The following SPMIP2 variants were observed in gnomAD, a reference collection of about 807,000 sequenced individuals.
SPMIP2 encodes the protein sperm microtubule inner protein 2, also known as protein SPMIP2.
the SPMIP2 span, among the ~76,000 whole-genome samples, chr4:158,945,637 T>C: frequency 4.5e-4 from 68 of 152,310 alleles, no homozygotes; most frequent in African/African-American, 1.5e-3. Context: ...TAGAGCCGCA[T>C]GGCTGTCCCT....
chr4:158,909,797 C>T, the SPMIP2 span, among the ~76,000 whole-genome samples: 1 of 152,246 alleles, frequency 6.6e-6, no homozygotes, highest in South Asian at 2.1e-4. Flanking sequence ...AATCCCAACA[C>T]TTTGGGAGGC....
At chr4:158,961,486 T>C in the SPMIP2 span, among the ~76,000 whole-genome samples, 1 of 152,130 alleles carries the variant, frequency 6.6e-6, no homozygotes, top group Non-Finnish European at 1.5e-5. Flanking sequence ...CTGCATATAA[T>C]AGAAAGATCA....
At chr4:159,046,231 GA>G in the SPMIP2 span, among the ~76,000 whole-genome samples, 110 of 131,308 alleles carry the variant, frequency 8.4e-4, no homozygotes, top group East Asian at 5.8e-3. Flanking sequence ...CCTGTCTCAA[GA>G]AAAAAAAAAA....
At chr4:158,981,163 A>G in the SPMIP2 span, among the ~76,000 whole-genome samples, 4 of 152,228 alleles carry the variant, frequency 2.6e-5, no homozygotes, top group Non-Finnish European at 5.9e-5. Flanking sequence ...AGAAAAAAGA[A>G]TGAAAAGGAA....
chr4:158,926,355 G>A, the SPMIP2 span, among the ~76,000 whole-genome samples: 39 of 151,170 alleles, frequency 2.6e-4, no homozygotes, highest in African/African-American at 6.1e-4. Context: ...CATTACCTTC[G>A]CTGCATCCCT....
At chr4:158,909,969 G>A in the SPMIP2 span, among the ~76,000 whole-genome samples, 1 of 152,136 alleles carries the variant, frequency 6.6e-6, no homozygotes, top group Non-Finnish European at 1.5e-5. Flanking sequence ...TTGAACCTGG[G>A]AGGCAGAGGT....
chr4:159,037,211 C>A, the SPMIP2 span, among the ~76,000 whole-genome samples: 2 of 152,082 alleles, frequency 1.3e-5, no homozygotes, highest in Non-Finnish European at 2.9e-5. Flanking sequence ...ATTCTGATGG[C>A]AAAGGCTGGA....
chr4:159,069,008 T>C, the SPMIP2 span, among the ~76,000 whole-genome samples: 1 of 152,100 alleles, frequency 6.6e-6, no homozygotes, highest in South Asian at 2.1e-4. Flanking sequence ...TCTTTTCTTC[T>C]AAGAAACAAT....
chr4:159,029,820 C>A, the SPMIP2 span, among the ~76,000 whole-genome samples: 1 of 152,118 alleles, frequency 6.6e-6, no homozygotes, highest in African/African-American at 2.4e-5. Context: ...ACATTTTTTT[C>A]ATGTATATTT....
the SPMIP2 span, among the ~76,000 whole-genome samples, chr4:158,920,615 G>A: frequency 5.3e-5 from 8 of 152,240 alleles, no homozygotes; most frequent in Admixed American, 1.3e-4. Flanking sequence ...AAAAAACTCC[G>A]CCCTGGTAAA....
chr4:158,940,559 C>CT, the SPMIP2 span, among the ~76,000 whole-genome samples: 10,676 of 135,030 alleles, frequency 0.079, 622 homozygotes, highest in African/African-American at 0.16. Context: ...GTTGTTCCTT[C>CT]TTTTTTTTTT....
At chr4:158,973,554 T>C in the SPMIP2 span, among the ~76,000 whole-genome samples, 2 of 152,186 alleles carry the variant, frequency 1.3e-5, no homozygotes, top group African/African-American at 2.4e-5. Flanking sequence ...AGAATTTTTT[T>C]CCCCAGTTTA....
the SPMIP2 span, among the ~76,000 whole-genome samples, chr4:158,964,151 TCAAAACAAAA>T: frequency 3.6e-4 from 36 of 100,080 alleles, 2 homozygotes; most frequent in Admixed American, 5.2e-4. Flanking sequence ...TGAGACTATC[TCAAAACAAAA>T]CAAAACAAAA....
chr4:158,915,151 GAAAAGC>G, the SPMIP2 span: 1 of 1,594,456 alleles, frequency 6.3e-7, no homozygotes. Flanking sequence ...TGACGATTTA[GAAAAGC>G]AAAACATCAT....
At chr4:159,054,805 C>A in the SPMIP2 span, among the ~76,000 whole-genome samples, 1 of 151,870 alleles carries the variant, frequency 6.6e-6, no homozygotes, top group Non-Finnish European at 1.5e-5. Flanking sequence ...TGGTCTTCCT[C>A]CCCAACCCCT....
At chr4:158,992,591 C>T in the SPMIP2 span, among the ~76,000 whole-genome samples, 74 of 152,206 alleles carry the variant, frequency 4.9e-4, no homozygotes, top group African/African-American at 1.2e-3. Context: ...ACAAAATACC[C>T]GAGACTAAGT....
the SPMIP2 span, among the ~76,000 whole-genome samples, chr4:159,019,115 G>A: frequency 6.6e-6 from 1 of 151,990 alleles, no homozygotes; most frequent in African/African-American, 2.4e-5. Context: ...TAAAGCTGGA[G>A]CCAAAAAGAG....
chr4:158,923,582 A>G, the SPMIP2 span, among the ~76,000 whole-genome samples: 1 of 152,288 alleles, frequency 6.6e-6, no homozygotes, highest in Admixed American at 6.5e-5. Context: ...ACTGTGATCT[A>G]TTGAACTTAT....
chr4:159,049,946 T>C, the SPMIP2 span, among the ~76,000 whole-genome samples: 1 of 152,180 alleles, frequency 6.6e-6, no homozygotes, highest in Non-Finnish European at 1.5e-5. Context: ...TGGTAGAAAA[T>C]GAGCCTTAAA....
Sources: gnomAD v4.1 joint callset for allele counts (sites outside exome capture counted in the v4.1 genomes callset) on GRCh38, gnomAD v4.1.1 for gene constraint, MANE v1.5 for transcripts, NCBI Gene and HGNC (gene_info 2026-07-23, HGNC 2026-07-21) for gene names.